The following DNAH9 variants were observed in gnomAD, a reference collection of about 807,000 sequenced individuals.
DNAH9 encodes the protein DNAH9 variant protein.
In DNAH9, 345 loss-of-function variants were observed where a neutral mutation model predicts 471.6. That is an observed-to-expected ratio of 0.73 (90% CI 0.67 to 0.80). DNAH9 has a LOEUF of 0.80. DNAH9 is among the 30% of genes least tolerant of loss of function. The probability of loss-of-function intolerance (pLI) is 0.00; values close to 1 mark genes in which losing one functional copy is unlikely to be tolerated. For missense variants in DNAH9, 5,407 were observed against 5,609.2 expected, an observed-to-expected ratio of 0.96 and a Z score of 1.15; for synonymous variants, 2,093 against 2,123.6, an observed-to-expected ratio of 0.99 and a Z score of 0.40.
At chr17:11,627,349 A>AACAAAATT (rs1227918417) in intron 6 of DNAH9, among the ~76,000 whole-genome samples, 6 of 152,330 alleles carry the variant, frequency 3.9e-5, no homozygotes, top group South Asian at 4.1e-4. Flanking sequence ...AAAATAGTCT[A>AACAAAATT]ACAAAATTAT....
chr17:11,796,184 T>C (rs1018538998), intron 42 of DNAH9, among the ~76,000 whole-genome samples: 1 of 152,230 alleles, frequency 6.6e-6, no homozygotes, highest in Non-Finnish European at 1.5e-5. Flanking sequence ...CTCCGCTAGA[T>C]GGTTTTTGTC....
chr17:11,777,062 A>G (rs1968464239), intron 38 of DNAH9, among the ~76,000 whole-genome samples: 1 of 152,240 alleles, frequency 6.6e-6, no homozygotes, highest in Admixed American at 6.5e-5. Flanking sequence ...GTTGAAGACC[A>G]TTCTGTAGCC....
In DNAH9 at chr17:11,932,712, A is replaced by G. The variant is rs538096382; in HGVS notation, c.12297+507A>G. On this transcript the variant is annotated intron_variant, in intron 64 of 68. Coordinates refer to ENST00000262442, the MANE Select transcript of DNAH9 (RefSeq NM_001372.4). The surrounding 1 kb of genome is among the most constrained non-coding windows in gnomAD (Gnocchi z 4.3). ...CTGAGAATAGTACAACTGTGAGGTG[A>G]GAGCCATGGACGCTCAGGAAGTCTA... Among the ~76,000 whole-genome samples, 2 of 152,306 alleles carry G rather than the reference A, an allele frequency of 1.3e-5. 1 individual carries two copies. Among genetic ancestry groups the G allele is most frequent in the South Asian group, 4.1e-4 (2 of 4,830 alleles).
At chr17:11,798,348 G>A (rs1048484813) in intron 43 of DNAH9, among the ~76,000 whole-genome samples, 2 of 147,312 alleles carry the variant, frequency 1.4e-5, no homozygotes, top group South Asian at 2.1e-4. Flanking sequence ...CAAGAGAATC[G>A]CTTGAACCTG....
chr17:11,798,692 G>C (rs1052235051), intron 43 of DNAH9, among the ~76,000 whole-genome samples: 1 of 151,892 alleles, frequency 6.6e-6, no homozygotes, highest in African/African-American at 2.4e-5. Context: ...TTCCCCCAGG[G>C]TACTCACGGT....
intron 50 of DNAH9, among the ~76,000 whole-genome samples, chr17:11,855,928 T>C (rs1237942308): frequency 6.6e-6 from 1 of 152,150 alleles, no homozygotes; most frequent in Non-Finnish European, 1.5e-5. Flanking sequence ...GACACAGTAA[T>C]AGTACCTGCT....
At chr17:11,909,688 G>A (rs2151018650) in intron 61 of DNAH9, among the ~76,000 whole-genome samples, 1 of 152,190 alleles carries the variant, frequency 6.6e-6, no homozygotes, top group Non-Finnish European at 1.5e-5. Context: ...CACAGGTACA[G>A]ATGAGACACG....
intron 27 of DNAH9, among the ~76,000 whole-genome samples, chr17:11,726,672 T>C (rs1261650803): frequency 6.6e-6 from 1 of 152,202 alleles, no homozygotes; most frequent in Admixed American, 6.5e-5. Flanking sequence ...ATATACCTTA[T>C]CTCCTCAACC....
chr17:11,725,453 G>A (rs967527004), intron 27 of DNAH9, among the ~76,000 whole-genome samples: 1 of 152,292 alleles, frequency 6.6e-6, no homozygotes, highest in East Asian at 1.9e-4. Context: ...TCATGACCTA[G>A]AACAATCTCT....
At chr17:11,645,770 C>T (rs767072231) in intron 11 of DNAH9, among the ~76,000 whole-genome samples, 1 of 152,042 alleles carries the variant, frequency 6.6e-6, no homozygotes, top group Non-Finnish European at 1.5e-5. Flanking sequence ...GCAAGCATCC[C>T]TTCATCACCT....
intron 50 of DNAH9, among the ~76,000 whole-genome samples, chr17:11,857,708 G>T (rs1052669643): frequency 2.6e-5 from 4 of 152,224 alleles, no homozygotes; most frequent in Non-Finnish European, 4.4e-5. Flanking sequence ...TGCCTGAGAT[G>T]AGGCCTGGTG....
intron 43 of DNAH9, among the ~76,000 whole-genome samples, chr17:11,803,228 A>G (rs78642669): frequency 3.0e-4 from 46 of 152,266 alleles, no homozygotes; most frequent in African/African-American, 1.0e-3. Flanking sequence ...CGCTTTTGGC[A>G]TCATCTCCAT....
chr17:11,857,222 A>C (rs890771528), intron 50 of DNAH9, among the ~76,000 whole-genome samples: 12 of 152,180 alleles, frequency 7.9e-5, no homozygotes, highest in Non-Finnish European at 1.5e-4. Flanking sequence ...TGACGGGCCC[A>C]CTCAACCTGC....
Position 11,854,127 on chromosome 17 carries a change from C to T in DNAH9, c.9632C>T (p.Ala3211Val). 6.2e-7 allele frequency: 1 copy of T among 1,614,152 alleles called. No individual in the cohort carries two copies. Among genetic ancestry groups the T allele is most frequent in the East Asian group, 2.2e-5 (1 of 44,884 alleles). The change falls in exon 50 of 69, where the codon GCT becomes GTT. Residue 3211 changes from alanine (A) to valine (V), a missense_variant. Physicochemically the swap from Ala to Val is moderately conservative, Grantham distance 64. This residue lies in a region of DNAH9 where 4,636 missense variants were observed against 4,900.3 expected (regional missense o/e 0.95). Coordinates refer to ENST00000262442, the MANE Select transcript of DNAH9 (RefSeq NM_001372.4). Reference sequence around the variant, plus strand: ...CCCAAGGACCGGAGCTGGAAGGCTGCTAAGGTCACCATGGCCAAAGTGGAT... The same window carrying T: ...CCCAAGGACCGGAGCTGGAAGGCTGTTAAGGTCACCATGGCCAAAGTGGAT... ...RVPKDRSWKA[A>V]KVTMAKVDGF... is the part of the protein sequence containing the mutation.
chr17:11,762,770 G>GTTTTTTTTTTTTTTTTTTTTTTTTTTTT lies in DNAH9; in HGVS notation c.6996-643_6996-642insTTTTTTTTTTTTTTTTTTTTTTTTTTTT, dbSNP rs563544881. Among the ~76,000 whole-genome samples the GTTTTTTTTTTTTTTTTTTTTTTTTTTTT allele has an allele frequency of 9.9e-5, 9 of 90,792 alleles. 1 individual carries two copies. The highest frequency in any genetic ancestry group is 3.3e-4 in the East Asian group (1 of 3,030). 59.6% of individuals were successfully genotyped at this position (90,792 alleles called of 152,430 possible). A position where few individuals can be genotyped will look rare whatever the true frequency, so the allele number is the denominator to read the frequency against. ...CCTCTTTAGGTGCGTTTTTTTTTTT[G>GTTTTTTTTTTTTTTTTTTTTTTTTTTTT]TTTTTTTTTTTTTTTTTTTTTTTTT... On this transcript the variant is annotated intron_variant, in intron 35 of 68. Coordinates refer to ENST00000262442, the MANE Select transcript of DNAH9 (RefSeq NM_001372.4).
intron 28 of DNAH9, among the ~76,000 whole-genome samples, chr17:11,733,039 G>GA (rs995265002): frequency 6.6e-6 from 1 of 152,204 alleles, no homozygotes; most frequent in Non-Finnish European, 1.5e-5. Flanking sequence ...AGTCTAATGG[G>GA]AAAAAAACCC....
intron 52 of DNAH9, among the ~76,000 whole-genome samples, chr17:11,873,223 A>C (rs8077062): frequency 3.3e-5 from 5 of 152,010 alleles, no homozygotes; most frequent in African/African-American, 4.8e-5. Context: ...TGAATGAAGA[A>C]GAAGAGCTCA....
At chr17:11,655,917 C>T (rs1283012961) in intron 14 of DNAH9, among the ~76,000 whole-genome samples, 4 of 151,982 alleles carry the variant, frequency 2.6e-5, no homozygotes, top group African/African-American at 9.7e-5. Flanking sequence ...CACACATACA[C>T]ACACACATAC....
intron 30 of DNAH9, among the ~76,000 whole-genome samples, chr17:11,744,146 A>G (rs890772448): frequency 3.3e-5 from 5 of 152,174 alleles, no homozygotes; most frequent in Admixed American, 6.5e-5. Context: ...AGCATTTGTC[A>G]TGGCTCTAAT....
Sources: allele counts gnomAD v4.1 joint callset (sites outside exome capture counted in the v4.1 genomes callset), GRCh38; gene constraint gnomAD v4.1.1; regional missense constraint gnomAD v4.1.1; non-coding constraint Gnocchi (gnomAD v3.1); transcripts MANE v1.5; gene names NCBI Gene and HGNC (gene_info 2026-07-23, HGNC 2026-07-21).